Variants in FBXO41 observed in about 807,000 individuals in gnomAD.
The protein encoded by FBXO41 is F-box only protein 41.
In FBXO41, 33 loss-of-function variants were observed where a neutral mutation model predicts 81.6. That is an observed-to-expected ratio of 0.40 (90% confidence interval 0.31 to 0.54). FBXO41 has a LOEUF of 0.54. FBXO41 is among the 20% of genes least tolerant of loss of function. The pLI is 0.39. For synonymous variants in FBXO41, 576 were observed against 552.7 expected (o/e 1.04, Z -0.59); for missense variants, 1,107 against 1,236.0 (o/e 0.90, Z 1.56).
At chr2:73,262,575 C>A (rs918788572) in intron 9 of FBXO41, among the ~76,000 whole-genome samples, 2 of 152,206 alleles carry the variant, frequency 1.3e-5, no homozygotes, top group Non-Finnish European at 2.9e-5. Context: ...GTGGACCCTG[C>A]AGGCTTTGTG....
intron 1 of FBXO41, among the ~76,000 whole-genome samples, chr2:73,275,111 G>A (rs918234124): frequency 6.0e-5 from 9 of 150,644 alleles, no homozygotes; most frequent in Non-Finnish European, 7.4e-5. Context: ...GGATGGTCTC[G>A]ATCTCCTGAC....
At position 73,264,496 on chromosome 2, in the gene FBXO41, G is replaced by A. The variant is rs377592538; in HGVS notation, c.1588C>T (p.Arg530Trp). The A allele has an allele frequency of 4.3e-6, 7 of 1,613,590 alleles. No homozygotes were observed. The highest frequency in any genetic ancestry group is 4.0e-5 in the African/African-American group (3 of 74,908). ...LSARPEGGSGRGRRAERVSPS... is the reference protein window; with the variant it reads ...LSARPEGGSGWGRRAERVSPS... ...CTGACCCTCTCTGCTCGCCGACCCC[G>A]CCCACTGCCTCCCTCGGGGCGGGCT... Residue 530 changes from arginine (R) to tryptophan (W), a missense_variant, in exon 6 of 13, where the codon CGG becomes TGG. Physicochemically the swap from Arg to Trp is moderately radical, Grantham distance 101. Coordinates refer to ENST00000520530, the MANE Select transcript of FBXO41 (RefSeq NM_001371389.2).
At chr2:73,283,649 C>G (rs1351944431) in intron 1 of FBXO41, among the ~76,000 whole-genome samples, 1 of 152,242 alleles carries the variant, frequency 6.6e-6, no homozygotes, top group Non-Finnish European at 1.5e-5. Flanking sequence ...GTCACCAGTA[C>G]AGGCACTGGA....
chr2:73,278,179 T>C (rs550349662), intron 1 of FBXO41, among the ~76,000 whole-genome samples: 1 of 152,284 alleles, frequency 6.6e-6, no homozygotes, highest in African/African-American at 2.4e-5. Context: ...ACCCATCACA[T>C]GGAGAAAGCC....
chr2:73,279,115 T>A (rs1295340748), intron 1 of FBXO41, among the ~76,000 whole-genome samples: 3 of 151,826 alleles, frequency 2.0e-5, no homozygotes, highest in Non-Finnish European at 4.4e-5. Flanking sequence ...ATGGGAGCAA[T>A]TAAGGAAGGA....
At position 73,264,477 on chromosome 2, in the gene FBXO41, C is replaced by T; in HGVS notation, c.1607G>A (p.Arg536Lys). The change falls in exon 6 of 13, where the codon AGG becomes AAG. Residue 536 changes from arginine to lysine, a missense_variant. Around this residue, in one of 2 missense-constraint regions of FBXO41, gnomAD observed 771 missense variants for 789.2 expected, o/e 0.98. Coordinates refer to ENST00000520530, the MANE Select transcript of FBXO41 (RefSeq NM_001371389.2). ...GGSGRGRRAE[R>K]VSPSRSNEVI... ...CTCATTGGAGCGTGAGGGGCTGACCCTCTCTGCTCGCCGACCCCGCCCACT... is the reference window on the plus strand; with the variant it reads ...CTCATTGGAGCGTGAGGGGCTGACCTTCTCTGCTCGCCGACCCCGCCCACT... The T allele has an allele frequency of 6.2e-7, 1 of 1,613,882 alleles. No homozygotes were observed. The highest frequency in any genetic ancestry group is 8.5e-7 in the Non-Finnish European group (1 of 1,179,888).
intron 1 of FBXO41, among the ~76,000 whole-genome samples, chr2:73,274,031 T>G (rs1688616866): frequency 6.6e-6 from 1 of 152,222 alleles, no homozygotes; most frequent in Admixed American, 6.5e-5. Context: ...TGCTTTGTAC[T>G]CTTCCAGGCC....
chr2:73,259,141 C>T lies in FBXO41; in HGVS notation c.2565+40G>A, dbSNP rs759978017. ...GGTCACCAGCCCCAGTCTAGGGATG[C>T]CACTTGGGGTCTTGGACAGCCTCAG... On this transcript the variant is annotated intron_variant, in intron 12 of 12. Coordinates refer to ENST00000520530, the MANE Select transcript of FBXO41 (RefSeq NM_001371389.2). This position sits in a 1 kb window ranked among gnomAD's most constrained non-coding sequence, Gnocchi z 4.2. 2.5e-6 allele frequency: 4 copies of T among 1,611,838 alleles called. No individual in the cohort carries two copies. The South Asian group carries it at 4.4e-5, about 18-fold the overall frequency.
intron 4 of FBXO41, 55 bp downstream of exon 4, chr2:73,265,838 G>GC: frequency 6.5e-7 from 1 of 1,535,710 alleles, no homozygotes; most frequent in South Asian, 1.2e-5. Context: ...ACAGGCCAGC[G>GC]GATCCTTCCA....
In FBXO41 at chr2:73,258,733, T is replaced by A. The variant is rs1687902981; in HGVS notation, c.*249A>T. 2 of 469,166 alleles carry A rather than the reference T, an allele frequency of 4.3e-6. No homozygotes were observed. The highest frequency in any genetic ancestry group is 6.3e-5 in the East Asian group (2 of 31,794). The allele number at this position is 469,166 out of a possible 1,614,324, so 29.1% of individuals were successfully genotyped here. A position where few individuals can be genotyped will look rare whatever the true frequency, so the allele number is the denominator to read the frequency against. Reference sequence around the variant, plus strand: ...CCTCACTGGCTGTGCCAGAGGCTACTCCAGCCGGGGTAGGGTGGGGGTCGG... The same window carrying A: ...CCTCACTGGCTGTGCCAGAGGCTACACCAGCCGGGGTAGGGTGGGGGTCGG... On this transcript the variant is annotated 3_prime_UTR_variant, in exon 13 of 13. Coordinates refer to ENST00000520530, the MANE Select transcript of FBXO41 (RefSeq NM_001371389.2).
Position 73,276,462 on chromosome 2 carries a change from A to G in FBXO41, c.-138-6694T>C, listed in dbSNP as rs542226893. Among the ~76,000 whole-genome samples the G allele has an allele frequency of 6.1e-4, 92 of 151,902 alleles. No homozygotes were observed. The South Asian group carries it at 0.019, about 31-fold the overall frequency. On this transcript the variant is annotated intron_variant, in intron 1 of 12. Transcript: ENST00000520530. The stretch of plus-strand genomic sequence containing the variant: ...AATTGTTTCAACATCACCATCCTTT[A>G]GGTATATTAAAACCCAAAATGTAGC...
intron 3 of FBXO41, 30 bp from the exon 4 acceptor site, chr2:73,265,996 A>G: frequency 6.4e-7 from 1 of 1,550,792 alleles, no homozygotes; most frequent in Non-Finnish European, 8.7e-7. Context: ...GAGGTAAAGG[A>G]GAGGGGCGGA....
chr2:73,260,975 G>T lies in FBXO41; in HGVS notation c.2172-117C>A. 1.3e-6 allele frequency: 1 copy of T among 782,938 alleles called. No homozygotes were observed. Among genetic ancestry groups the T allele is most frequent in the South Asian group, 1.8e-5 (1 of 55,606 alleles). The allele number at this position is 782,938 out of a possible 1,614,324, so 48.5% of individuals were successfully genotyped here. A position where few individuals can be genotyped will look rare whatever the true frequency, so the allele number is the denominator to read the frequency against. On this transcript the variant is annotated intron_variant, in intron 9 of 12. Coordinates refer to ENST00000520530, the MANE Select transcript of FBXO41 (RefSeq NM_001371389.2). This position sits in a 1 kb window ranked among gnomAD's most constrained non-coding sequence, Gnocchi z 5.0. ...CAAGCATTCCTCCAACAACCCAGCA[G>T]GTCAAGTCAGAGAACCAGGATCATC... is the stretch of plus-strand genomic sequence containing the variant.
At chr2:73,265,225 C>A in intron 5 of FBXO41, 57 bp downstream of exon 5, 3 of 1,473,790 alleles carry the variant, frequency 2.0e-6, no homozygotes, top group Middle Eastern at 2.4e-4. Context: ...GGTGCAGGAG[C>A]CCAGGAGATT....
chr2:73,268,646 C>A, intron 2 of FBXO41, 80 bp downstream of exon 2: 1 of 1,362,996 alleles, frequency 7.3e-7, no homozygotes, highest in Non-Finnish European at 9.8e-7. Flanking sequence ...CAGACACACT[C>A]AGGCACGCCC....
chr2:73,280,118 C>T (rs1178203613), intron 1 of FBXO41, among the ~76,000 whole-genome samples: 2 of 143,702 alleles, frequency 1.4e-5, no homozygotes, highest in South Asian at 2.4e-4. Context: ...ACCCCCCCTG[C>T]CCCCGCCCCT....
intron 2 of FBXO41, among the ~76,000 whole-genome samples, 196 bp downstream of exon 2, chr2:73,268,530 G>A (rs898742738): frequency 2.0e-5 from 3 of 152,114 alleles, no homozygotes; most frequent in Admixed American, 1.3e-4. Context: ...AGAGGCACAG[G>A]GTCACACTGC....
rs1461280742 is a variant in FBXO41, at chr2:73,266,464, C to T, written c.1124G>A (p.Gly375Asp). 6.6e-7 allele frequency: 1 copy of T among 1,511,430 alleles called. No individual in the cohort carries two copies. Among genetic ancestry groups the T allele is most frequent in the Non-Finnish European group, 8.9e-7 (1 of 1,122,890 alleles). 93.6% of individuals were successfully genotyped at this position (1,511,430 alleles called of 1,614,324 possible). The change falls in exon 3 of 13, where the codon GGC (glycine) becomes GAC (aspartate). Residue 375 changes from glycine (G) to aspartate (D), a missense_variant. Around this residue, in one of 2 missense-constraint regions of FBXO41, gnomAD observed 771 missense variants for 789.2 expected, o/e 0.98. Transcript: ENST00000520530. The surrounding 1 kb of genome is among the most constrained non-coding windows in gnomAD (Gnocchi z 5.3). ...AGGCAGGTGGGCACTCACCATTCTG[C>T]CTGGGCCCCGGGCATTGGGTCCAGC... ...GGAGPNARGP[G>D]RMREHHVGPA...
Position 73,260,794 on chromosome 2 carries a change from G to A in FBXO41, c.2236C>T (p.Arg746Trp), listed in dbSNP as rs1027724234. 5 of 1,567,258 alleles carry A rather than the reference G, an allele frequency of 3.2e-6. No individual in the cohort carries two copies. Among genetic ancestry groups the A allele is most frequent in the Admixed American group, 1.9e-5 (1 of 53,068 alleles). The change falls in exon 10 of 13, where the codon CGG (arginine) becomes TGG (tryptophan). Residue 746 changes from arginine to tryptophan, a missense_variant. By Grantham distance (101) the Arg-to-Trp change is moderately radical. Coordinates refer to ENST00000520530, the MANE Select transcript of FBXO41 (RefSeq NM_001371389.2). This position sits in a 1 kb window ranked among gnomAD's most constrained non-coding sequence, Gnocchi z 5.0. ...QMIGRCWPHL[R>W]ALGVGGAGCG... The stretch of plus-strand genomic sequence containing the variant: ...CCGGCACCCCCGACCCCCAGGGCCC[G>A]CAGGTGGGGCCAACAGCGACCAATC...
Sources: gnomAD v4.1 joint callset for allele counts (sites outside exome capture counted in the v4.1 genomes callset) on GRCh38, gnomAD v4.1.1 for gene constraint, gnomAD v4.1.1 regional missense constraint, Gnocchi (gnomAD v3.1) non-coding constraint, MANE v1.5 for transcripts, NCBI Gene and HGNC (gene_info 2026-07-23, HGNC 2026-07-21) for gene names.